RPAP2: variants seen among roughly 807,000 people sequenced by gnomAD.
The protein encoded by RPAP2 is putative RNA polymerase II subunit B1 CTD phosphatase RPAP2.
Under a neutral mutation model 73.1 loss-of-function variants are expected in RPAP2, and 52 were observed. That is an observed-to-expected ratio of 0.71 (90% CI 0.57 to 0.90). RPAP2 has a LOEUF of 0.90. Ranked by LOEUF, RPAP2 falls within the 40% of genes least tolerant of loss-of-function variation. The probability of loss-of-function intolerance (pLI) is 0.00; values close to 1 mark genes in which losing one functional copy is unlikely to be tolerated. For missense variants in RPAP2, 598 were observed against 701.8 expected (o/e 0.85, Z 1.67); for synonymous variants, 225 against 242.1 (o/e 0.93, Z 0.65).
intron 6 of RPAP2, among the ~76,000 whole-genome samples, chr1:92,316,901 A>G (rs1651937384): frequency 6.6e-6 from 1 of 152,228 alleles, no homozygotes. Context: ...CATTCTTTAT[A>G]GATTGGGGAT....
intron 8 of RPAP2, among the ~76,000 whole-genome samples, chr1:92,325,461 C>T (rs1474513162): frequency 1.3e-5 from 2 of 152,092 alleles, no homozygotes; most frequent in African/African-American, 4.8e-5. Flanking sequence ...CACTGAGCTG[C>T]ATAAACCTAC....
At chr1:92,300,759 T>C (rs75508716) in intron 2 of RPAP2, among the ~76,000 whole-genome samples, 2,118 of 152,348 alleles carry the variant, frequency 0.014, 49 homozygotes, top group African/African-American at 0.047. Context: ...ACTAATCTTA[T>C]ATTGGCTTTG....
chr1:92,375,983 G>C (rs1655370649), intron 11 of RPAP2, among the ~76,000 whole-genome samples: 1 of 145,176 alleles, frequency 6.9e-6, no homozygotes, highest in Non-Finnish European at 1.5e-5. Context: ...CTGGGTGACA[G>C]AGTGAGACTC....
intron 11 of RPAP2, among the ~76,000 whole-genome samples, chr1:92,380,458 AT>A (rs1655582270): frequency 6.6e-6 from 1 of 152,144 alleles, no homozygotes; most frequent in South Asian, 2.1e-4. Context: ...TCTGAGCAGA[AT>A]TTTAGTAGTT....
intron 11 of RPAP2, among the ~76,000 whole-genome samples, chr1:92,372,460 T>C (rs1349775858): frequency 6.6e-6 from 1 of 152,166 alleles, no homozygotes; most frequent in Non-Finnish European, 1.5e-5. Context: ...GGAAGAGAAT[T>C]TCAGTAACAA....
rs151076110 is a variant in RPAP2, at chr1:92,377,371, T to C, written c.1689-3353T>C. ...ACTTCTCTACTAAAAATACAAACAT[T>C]AGCTGGGCGTGGTGGCACACGCCTG... On this transcript the variant is annotated intron_variant, in intron 11 of 12. Coordinates refer to ENST00000610020, the MANE Select transcript of RPAP2 (RefSeq NM_024813.3). Among the ~76,000 whole-genome samples the C allele has an allele frequency of 2.4e-3, 370 of 151,958 alleles. 2 individuals are homozygous for C. Among genetic ancestry groups the C allele is most frequent in the South Asian group, 9.4e-3 (45 of 4,800 alleles).
In RPAP2 at chr1:92,394,429, C is replaced by T. The variant is rs1420758681; in HGVS notation, c.*7418C>T. 1 of 152,024 alleles carries T rather than the reference C, an allele frequency of 6.6e-6. No individual in the cohort carries two copies. Among genetic ancestry groups the T allele is most frequent in the Non-Finnish European group, 1.5e-5 (1 of 68,026 alleles). The allele number at this position is 152,024 out of a possible 1,614,324, so 9.4% of individuals were successfully genotyped here. ...CCATGGCATGTGTATACCTATGTAA[C>T]AAAACTACATGTTCTGCACATGTAA... On this transcript the variant is annotated 3_prime_UTR_variant, in exon 13 of 13. Transcript: ENST00000610020.
chr1:92,321,826 A>G (rs1440463039), intron 7 of RPAP2, among the ~76,000 whole-genome samples: 4 of 151,862 alleles, frequency 2.6e-5, no homozygotes, highest in Admixed American at 6.6e-5. Context: ...CTGTACAACA[A>G]TCAACCAGAA....
At chr1:92,378,571 G>A (rs1056425260) in intron 11 of RPAP2, among the ~76,000 whole-genome samples, 12 of 152,082 alleles carry the variant, frequency 7.9e-5, no homozygotes, top group East Asian at 1.9e-4. Context: ...TATTTGAACC[G>A]CCTGACTTGG....
intron 10 of RPAP2, among the ~76,000 whole-genome samples, chr1:92,337,915 A>G (rs1017534314): frequency 6.6e-6 from 1 of 152,102 alleles, no homozygotes; most frequent in Non-Finnish European, 1.5e-5. Flanking sequence ...TCTAATGTCT[A>G]TTATTCTGTT....
chr1:92,350,039 C>T (rs1242728063), intron 11 of RPAP2, among the ~76,000 whole-genome samples: 1 of 152,164 alleles, frequency 6.6e-6, no homozygotes, highest in Non-Finnish European at 1.5e-5. Context: ...TTGATCATTG[C>T]ACACTCAATG....
chr1:92,321,944 C>CTT (rs529045202), intron 7 of RPAP2, among the ~76,000 whole-genome samples: 12 of 106,070 alleles, frequency 1.1e-4, no homozygotes, highest in African/African-American at 1.7e-4. Context: ...AATTTTCTTT[C>CTT]TTTTTTTTTT....
intron 11 of RPAP2, chr1:92,363,754 C>G (rs1045146597): frequency 2.8e-6 from 1 of 354,338 alleles, no homozygotes; most frequent in Non-Finnish European, 5.6e-6. Context: ...TGATGATCTA[C>G]TTCCACTTAA....
rs904313330 is a variant in RPAP2 at position 92,311,050 on chromosome 1, A to T, written c.488+3774A>T. On this transcript the variant is annotated intron_variant, in intron 6 of 12. Transcript: ENST00000610020. The stretch of plus-strand genomic sequence containing the variant: ...GAAACAATATTATTCTTACTACATG[A>T]AATGCCTCTGATATTTTCTACTCTG... Among the ~76,000 whole-genome samples, 22 of 152,214 alleles carry T rather than the reference A, an allele frequency of 1.4e-4. 1 individual carries two copies. The highest frequency in any genetic ancestry group is 1.4e-3 in the Admixed American group (22 of 15,280).
intron 6 of RPAP2, among the ~76,000 whole-genome samples, chr1:92,309,209 C>T (rs986915766): frequency 6.6e-6 from 1 of 151,888 alleles, no homozygotes; most frequent in Non-Finnish European, 1.5e-5. Flanking sequence ...TTTGGGAGGC[C>T]GAGGGGGGCA....
intron 9 of RPAP2, among the ~76,000 whole-genome samples, chr1:92,335,773 A>G (rs1557609308): frequency 6.6e-6 from 1 of 152,218 alleles, no homozygotes; most frequent in African/African-American, 2.4e-5. Flanking sequence ...TATCTAACCA[A>G]TCACCTATTG....
chr1:92,324,798 A>G (rs1042018643), intron 8 of RPAP2, among the ~76,000 whole-genome samples: 6 of 152,188 alleles, frequency 3.9e-5, no homozygotes, highest in African/African-American at 1.4e-4. Flanking sequence ...GAAAATATTT[A>G]GCAAGCATGT....
chr1:92,372,221 C>T (rs1655186681), intron 11 of RPAP2, among the ~76,000 whole-genome samples: 1 of 152,098 alleles, frequency 6.6e-6, no homozygotes, highest in African/African-American at 2.4e-5. Context: ...AAAAGAATTT[C>T]CTCTCCTTTC....
chr1:92,319,998 C>CA (rs565464720), intron 6 of RPAP2, among the ~76,000 whole-genome samples: 953 of 90,178 alleles, frequency 0.011, 6 homozygotes, highest in African/African-American at 0.029. Flanking sequence ...AACTCCATCT[C>CA]AAAAAAAAAA....
Sources: gnomAD v4.1 joint callset for allele counts (sites outside exome capture counted in the v4.1 genomes callset) on GRCh38, gnomAD v4.1.1 for gene constraint, MANE v1.5 for transcripts, NCBI Gene and HGNC (gene_info 2026-07-23, HGNC 2026-07-21) for gene names.